The following ITPA variants were observed in gnomAD, a reference collection of about 807,000 sequenced individuals.
ITPA encodes the protein inosine triphosphate pyrophosphatase.
In ITPA, 29 loss-of-function variants were observed where a neutral mutation model predicts 29.6. The ratio of observed to expected loss-of-function variants is 0.98; its 90% CI spans 0.73 to 1.34. The LOEUF (loss-of-function observed/expected upper bound fraction) is 1.34. Among genes scored for constraint, ITPA ranks in the 40% most tolerant of loss-of-function variants. The probability of loss-of-function intolerance (pLI) is 0.00; values close to 1 mark genes in which losing one functional copy is unlikely to be tolerated. For synonymous variants in ITPA, 103 were observed against 99.3 expected (o/e 1.04, Z -0.22); for missense variants, 241 against 251.5 (o/e 0.96, Z 0.28).
chr20:3,216,029 C>T (rs2067287636), intron 5 of ITPA, among the ~76,000 whole-genome samples: 1 of 150,614 alleles, frequency 6.6e-6, no homozygotes, highest in East Asian at 2.0e-4. Context: ...GTCTCACTGT[C>T]GCCCAGGCTG....
intron 6 of ITPA, 116 bp downstream of exon 6, chr20:3,218,748 T>TA: frequency 1.3e-6 from 1 of 749,216 alleles, no homozygotes; most frequent in Non-Finnish European, 2.3e-6. Flanking sequence ...GGGCCAGAGA[T>TA]ATCTGTGCCT....
chr20:3,215,588 G>C (rs1443648203), intron 5 of ITPA, among the ~76,000 whole-genome samples: 2 of 152,196 alleles, frequency 1.3e-5, no homozygotes, highest in Admixed American at 1.3e-4. Flanking sequence ...GACTGCCTTA[G>C]CCAGGGCCTG....
downstream of ITPA, among the ~76,000 whole-genome samples, chr20:3,224,848 T>C (rs547356829): frequency 6.6e-5 from 10 of 152,302 alleles, no homozygotes; most frequent in South Asian, 2.1e-3. Context: ...CAGAATTTTG[T>C]CCTGGGTGCA....
intron 6 of ITPA, 102 bp downstream of exon 6, chr20:3,218,734 C>T (rs2067380724): frequency 2.5e-6 from 2 of 803,412 alleles, no homozygotes; most frequent in South Asian, 1.4e-5. Flanking sequence ...GGAGGGGCGC[C>T]TTGGGGCCAG....
upstream of ITPA, among the ~76,000 whole-genome samples, chr20:3,204,850 A>C (rs954477227): frequency 2.7e-5 from 4 of 150,650 alleles, no homozygotes; most frequent in African/African-American, 9.8e-5. Context: ...AGTAGAAAAC[A>C]TCTATGTATG....
Position 3,209,535 on chromosome 20 carries a change from G to C in ITPA, c.-17G>C, listed in dbSNP as rs1199461419. ...CAAGGAGTTTTCGGTGGCTCAGCTG[G>C]GTAACCGGGGATCACCATGGCGGCC... is the stretch of plus-strand genomic sequence containing the variant. On this transcript the variant is annotated 5_prime_UTR_variant, in exon 1 of 8. Coordinates refer to ENST00000380113, the MANE Select transcript of ITPA (RefSeq NM_033453.4). The surrounding 1 kb of genome is among the most constrained non-coding windows in gnomAD (Gnocchi z 4.6). 1.9e-6 allele frequency: 3 copies of C among 1,613,484 alleles called. No individual in the cohort carries two copies. The highest frequency in any genetic ancestry group is 2.5e-6 in the Non-Finnish European group (3 of 1,179,586).
downstream of ITPA, among the ~76,000 whole-genome samples, chr20:3,225,570 C>G (rs530103278): frequency 6.6e-6 from 1 of 152,274 alleles, no homozygotes; most frequent in East Asian, 1.9e-4. Flanking sequence ...GGCACACAAG[C>G]TCTGTGCCCC....
upstream of ITPA, among the ~76,000 whole-genome samples, chr20:3,207,130 C>A (rs1247155699): frequency 6.6e-6 from 1 of 152,176 alleles, no homozygotes; most frequent in Non-Finnish European, 1.5e-5. Flanking sequence ...TCACTCACAT[C>A]ACCCAGGCTA....
At chr20:3,224,195 T>G (rs2067534105), downstream of ITPA, among the ~76,000 whole-genome samples, 1 of 152,162 alleles carries the variant, frequency 6.6e-6, no homozygotes, top group South Asian at 2.1e-4. Context: ...GGTTTACAAT[T>G]ACAATGGCCA....
At chr20:3,215,063 T>G in intron 4 of ITPA, 1 of 564,760 alleles carries the variant, frequency 1.8e-6, no homozygotes, top group South Asian at 2.0e-5. Flanking sequence ...GATAGGATTT[T>G]GCTACGTTGT....
upstream of ITPA, chr20:3,204,769 C>T (rs749344624): frequency 4.0e-6 from 3 of 752,596 alleles, no homozygotes; most frequent in Non-Finnish European, 6.3e-6. Context: ...TAATGTCAGA[C>T]ATTAAAATGA....
chr20:3,210,642 A>C (rs2122286480), intron 1 of ITPA, among the ~76,000 whole-genome samples: 1 of 152,214 alleles, frequency 6.6e-6, no homozygotes, highest in East Asian at 1.9e-4. Context: ...TTGCCGAAAA[A>C]AGGTTTGGGA....
intron 1 of ITPA, among the ~76,000 whole-genome samples, chr20:3,212,320 TA>T (rs1452649229): frequency 4.8e-4 from 72 of 151,250 alleles, no homozygotes; most frequent in African/African-American, 1.6e-3. Flanking sequence ...GTAATTATCT[TA>T]ATTTTTTTTT....
At chr20:3,209,487 G>T, upstream of ITPA, 1 of 1,469,906 alleles carries the variant, frequency 6.8e-7, no homozygotes, top group Non-Finnish European at 9.5e-7. The surrounding 1 kb of genome is among the most constrained non-coding windows in gnomAD (Gnocchi z 4.6). Context: ...GCCACCAGCC[G>T]GAAGTTTTCT....
upstream of ITPA, among the ~76,000 whole-genome samples, chr20:3,207,443 C>A (rs2067080342): frequency 6.6e-6 from 1 of 152,152 alleles, no homozygotes; most frequent in Admixed American, 6.6e-5. Flanking sequence ...CCTGTAATCT[C>A]AGCACTTTGG....
intron 4 of ITPA, among the ~76,000 whole-genome samples, chr20:3,214,704 C>G (rs915608327): frequency 1.5e-4 from 23 of 151,952 alleles, no homozygotes; most frequent in African/African-American, 4.6e-4. Context: ...CTCAGCCTCC[C>G]GAGTAGCTGG....
intron 1 of ITPA, among the ~76,000 whole-genome samples, chr20:3,211,554 A>G (rs1352989925): frequency 2.1e-5 from 3 of 142,230 alleles, no homozygotes; most frequent in Non-Finnish European, 4.6e-5. Context: ...GTGCAGTGGC[A>G]CGATCTCAGC....
chr20:3,207,423 G>A (rs151325012), upstream of ITPA, among the ~76,000 whole-genome samples: 16 of 152,300 alleles, frequency 1.1e-4, no homozygotes, highest in African/African-American at 2.2e-4. Context: ...GCTGGGCACC[G>A]TGGCTCAAGC....
At chr20:3,216,943 T>C (rs143992109) in intron 5 of ITPA, among the ~76,000 whole-genome samples, 17,775 of 151,376 alleles carry the variant, frequency 0.12, 1,304 homozygotes, top group Non-Finnish European at 0.16. Context: ...TGCAGTGGTG[T>C]GATCTTGGCT....
Sources: gnomAD v4.1 joint callset for allele counts (sites outside exome capture counted in the v4.1 genomes callset) on GRCh38, gnomAD v4.1.1 for gene constraint, Gnocchi (gnomAD v3.1) non-coding constraint, MANE v1.5 for transcripts, NCBI Gene and HGNC (gene_info 2026-07-23, HGNC 2026-07-21) for gene names.